SEC24C: variants seen among roughly 807,000 people sequenced by gnomAD.
SEC24C encodes the protein protein transport protein Sec24C.
A neutral mutation model predicts 117.0 loss-of-function variants in SEC24C; 22 were observed. That is an observed-to-expected ratio of 0.19 (90% CI 0.13 to 0.27). The LOEUF (loss-of-function observed/expected upper bound fraction) is 0.27, where lower values mean the gene tolerates loss of function less well. SEC24C is among the 10% of genes least tolerant of loss of function. The pLI, the probability that SEC24C is intolerant of heterozygous loss-of-function variation, is 1.00. For missense variants in SEC24C, 1,155 were observed against 1,375.1 expected (o/e 0.84, Z 2.53); for synonymous variants, 506 against 529.4 (o/e 0.96, Z 0.61).
intron 3 of SEC24C, among the ~76,000 whole-genome samples, chr10:73,755,075 G>A (rs1307443759): frequency 3.3e-5 from 5 of 152,046 alleles, no homozygotes; most frequent in African/African-American, 9.7e-5. Context: ...GGAGGTTGCA[G>A]TGAGCCGAAA....
chr10:73,769,624 G>C lies in SEC24C; in HGVS notation c.2573G>C (p.Gly858Ala). 1.2e-6 allele frequency: 2 copies of C among 1,614,058 alleles called. No homozygotes were observed. The highest frequency in any genetic ancestry group is 2.2e-5 in the South Asian group (2 of 91,080). Reference sequence around the variant, plus strand: ...TTGCTTTCCCATCCAGCATATCGGGGAGTCCTGAATAGCCCTGTGAAGGCT... The same window carrying C: ...TTGCTTTCCCATCCAGCATATCGGGCAGTCCTGAATAGCCCTGTGAAGGCT... The part of the protein sequence containing the change: ...INYMAKFAYR[G>A]VLNSPVKAVR... Residue 858 changes from glycine (G) to alanine (A), a missense_variant, in exon 19 of 23, where the codon GGA becomes GCA. Transcript: ENST00000345254. This position sits in a 1 kb window ranked among gnomAD's most constrained non-coding sequence, Gnocchi z 4.5.
chr10:73,763,585 C>T lies in SEC24C; in HGVS notation c.1083C>T (p.Phe361=). Residue 361 remains phenylalanine (F), a synonymous_variant, in exon 7 of 23, where the codon TTC becomes TTT. Coordinates refer to ENST00000345254, the MANE Select transcript of SEC24C (RefSeq NM_198597.3). ...TGCCACCCTTAGTCACTACCAACTT[C>T]CTGGTGAAAGACCAAGGTGAGAATG... ...GQVPPLVTTN[F]LVKDQGNASP... is the part of the protein sequence containing the mutation. The T allele has an allele frequency of 6.3e-7, 1 of 1,586,552 alleles. No homozygotes were observed. The highest frequency in any genetic ancestry group is 8.6e-7 in the Non-Finnish European group (1 of 1,162,054).
Position 73,766,080 on chromosome 10 carries a change from C to T in SEC24C, c.1483-6C>T. On this transcript the variant is annotated splice_polypyrimidine_tract_variant and splice_region_variant and intron_variant, in intron 10 of 22. Coordinates refer to ENST00000345254, the MANE Select transcript of SEC24C (RefSeq NM_198597.3). Reference sequence around the variant, plus strand: ...CCCCTCTCCCCAACATTTTCTTCCTCTGCAGAACAATAAGTTCCCCAGCCC... The same window carrying T: ...CCCCTCTCCCCAACATTTTCTTCCTTTGCAGAACAATAAGTTCCCCAGCCC... The T allele has an allele frequency of 2.5e-6, 4 of 1,612,002 alleles. No homozygotes were observed. Among genetic ancestry groups the T allele is most frequent in the South Asian group, 1.1e-5 (1 of 90,960 alleles).
intron 15 of SEC24C, among the ~76,000 whole-genome samples, chr10:73,768,227 T>C (rs1348050298): frequency 1.3e-5 from 2 of 151,874 alleles, no homozygotes; most frequent in Non-Finnish European, 2.9e-5. Flanking sequence ...CTACGAAAAA[T>C]ACAAAAATTA....
chr10:73,765,898 A>T lies in SEC24C; in HGVS notation c.1465A>T (p.Thr489Ser). The change falls in exon 10 of 23, where the codon ACT (threonine) becomes TCT (serine). Residue 489 changes from threonine to serine, a missense_variant. By Grantham distance (58) the Thr-to-Ser change is moderately conservative (BLOSUM62 1). Transcript: ENST00000345254. Reference protein sequence around the residue: ...LSLGSYEFLATVDYCKNNKFP... With the variant: ...LSLGSYEFLASVDYCKNNKFP... ...CCTGGGCTCTTATGAATTCTTGGCC[A>T]CTGTAGATTACTGCAAGGTGAGGGA... 2 of 1,613,550 alleles carry T rather than the reference A, an allele frequency of 1.2e-6. No individual in the cohort carries two copies. Among genetic ancestry groups the T allele is most frequent in the Non-Finnish European group, 1.7e-6 (2 of 1,179,494 alleles).
intron 3 of SEC24C, among the ~76,000 whole-genome samples, chr10:73,756,321 A>G (rs927261121): frequency 6.6e-6 from 1 of 152,154 alleles, no homozygotes; most frequent in African/African-American, 2.4e-5. Flanking sequence ...GACATTGTTT[A>G]TAAAGTCTGG....
At chr10:73,752,319 C>T (rs1367915089) in intron 3 of SEC24C, among the ~76,000 whole-genome samples, 6 of 152,174 alleles carry the variant, frequency 3.9e-5, no homozygotes, top group East Asian at 1.9e-4. Flanking sequence ...GATGGGGTTT[C>T]GCTGTGTTGC....
chr10:73,763,706 T>TTAAA, intron 7 of SEC24C, 105 bp downstream of exon 7: 1 of 681,258 alleles, frequency 1.5e-6, no homozygotes, highest in Non-Finnish European at 2.2e-6. Context: ...TTTTAGTTTT[T>TTAAA]AACCAGAGAC....
At chr10:73,760,567 A>G (rs1047054120) in intron 5 of SEC24C, 146 bp from the exon 6 acceptor site, 101 of 1,152,370 alleles carry the variant, frequency 8.8e-5, no homozygotes, top group Non-Finnish European at 1.2e-4. Flanking sequence ...TGTCGTTCTG[A>G]TAACATGGTA....
In SEC24C at chr10:73,769,877, G is replaced by C; in HGVS notation, c.2724G>C (p.Leu908=). The C allele has an allele frequency of 6.2e-7, 1 of 1,614,190 alleles. No individual in the cohort carries two copies. The highest frequency in any genetic ancestry group is 8.5e-7 in the Non-Finnish European group (1 of 1,180,036). The part of the protein sequence containing the change: ...PECMKLLPVY[L]NCVLKSDVLQ... ...GCATGAAGCTACTCCCAGTTTACCT[G>C]AACTGTGTGTTGAAGAGTGATGTCC... Residue 908 remains leucine (L), a synonymous_variant, in exon 20 of 23, where the codon CTG becomes CTC. Coordinates refer to ENST00000345254, the MANE Select transcript of SEC24C (RefSeq NM_198597.3). This position sits in a 1 kb window ranked among gnomAD's most constrained non-coding sequence, Gnocchi z 4.5.
chr10:73,754,222 C>T (rs188686493), intron 3 of SEC24C, among the ~76,000 whole-genome samples: 2 of 152,186 alleles, frequency 1.3e-5, no homozygotes, highest in East Asian at 3.9e-4. Flanking sequence ...TGAGACCAGC[C>T]TGGCTAACAT....
rs760278564 is a variant in SEC24C at position 73,770,730 on chromosome 10, A to G, written c.3076A>G (p.Asn1026Asp). 3.7e-6 allele frequency: 6 copies of G among 1,614,168 alleles called. No homozygotes were observed. The highest frequency in any genetic ancestry group is 3.4e-6 in the Non-Finnish European group (4 of 1,180,018). ...CTAGAGTGTTCTGCCAGTTCTGGAT[A>G]ATCCACTGTCCAAGAAGGTTCGAGG... ...SGLSVLPVLD[N>D]PLSKKVRGLI... The change falls in exon 22 of 23, where the codon AAT becomes GAT. Residue 1026 changes from asparagine to aspartate, a missense_variant. Transcript: ENST00000345254.
chr10:73,747,462 C>A (rs1453722884), intron 2 of SEC24C, among the ~76,000 whole-genome samples: 5 of 151,820 alleles, frequency 3.3e-5, no homozygotes, highest in African/African-American at 7.3e-5. Flanking sequence ...AAGCAGTTCT[C>A]TGCCTCAGCC....
At chr10:73,764,017 G>A (rs1308031355) in intron 8 of SEC24C, 34 bp downstream of exon 8, 3 of 1,553,318 alleles carry the variant, frequency 1.9e-6, no homozygotes, top group Non-Finnish European at 2.6e-6. Flanking sequence ...TGTAATGAAA[G>A]GGAGGGAGGT....
At chr10:73,747,230 T>C (rs1283060582) in intron 2 of SEC24C, among the ~76,000 whole-genome samples, 2 of 152,368 alleles carry the variant, frequency 1.3e-5, no homozygotes, top group African/African-American at 4.8e-5. Flanking sequence ...TCACTCATGC[T>C]GGATTACAGT....
At chr10:73,745,231 C>T (rs562391078) in intron 1 of SEC24C, among the ~76,000 whole-genome samples, 1 of 152,174 alleles carries the variant, frequency 6.6e-6, no homozygotes, top group South Asian at 2.1e-4. Context: ...AGATAGTTTT[C>T]TTGGAAGGAC....
At chr10:73,752,360 G>A (rs1042146188) in intron 3 of SEC24C, among the ~76,000 whole-genome samples, 1 of 152,158 alleles carries the variant, frequency 6.6e-6, no homozygotes, top group African/African-American at 2.4e-5. Context: ...CTGAGCTCAA[G>A]CAATCTGCCC....
rs777784117 is a variant in SEC24C, at chr10:73,770,568, CAG to C, written c.3054+98_3054+99del. ...TTAGTGTGCTAGTACCCTCAAATAT[CAG>C]GGAACACTTGGGGACAAGGGCAGTT... On this transcript the variant is annotated intron_variant, in intron 21 of 22. Coordinates refer to ENST00000345254, the MANE Select transcript of SEC24C (RefSeq NM_198597.3). The C allele has an allele frequency of 5.9e-6, 9 of 1,516,574 alleles. No homozygotes were observed. The African/African-American group carries it at 1.1e-4, about 19-fold the overall frequency. 93.9% of individuals were successfully genotyped at this position (1,516,574 alleles called of 1,614,324 possible). A position where few individuals can be genotyped will look rare whatever the true frequency, so the allele number is the denominator to read the frequency against.
intron 15 of SEC24C, among the ~76,000 whole-genome samples, chr10:73,768,325 C>G (rs559318933): frequency 1.3e-5 from 2 of 152,008 alleles, no homozygotes; most frequent in Non-Finnish European, 2.9e-5. Context: ...TGTGGTGAGC[C>G]GAGATTGCGC....
Sources: allele counts gnomAD v4.1 joint callset (sites outside exome capture counted in the v4.1 genomes callset), GRCh38; gene constraint gnomAD v4.1.1; non-coding constraint Gnocchi (gnomAD v3.1); transcripts MANE v1.5; gene names NCBI Gene and HGNC (gene_info 2026-07-23, HGNC 2026-07-21).